GABRG3: variants seen among roughly 807,000 people sequenced by gnomAD.
GABRG3 encodes gamma-aminobutyric acid type A receptor subunit gamma3.
A neutral mutation model predicts 48.8 loss-of-function variants in GABRG3; 25 were observed. The observed-to-expected ratio is 0.51, with a 90% CI of 0.37 to 0.72. The LOEUF is 0.72. Ranked by LOEUF, GABRG3 falls within the 30% of genes least tolerant of loss-of-function variation. GABRG3 has a pLI of 0.00. For missense variants in GABRG3, 394 were observed against 577.9 expected (o/e 0.68, Z 3.26); for synonymous variants, 227 against 217.6 (o/e 1.04, Z -0.38).
At chr15:27,419,420 A>C (rs1216804347) in intron 5 of GABRG3, among the ~76,000 whole-genome samples, 1 of 151,966 alleles carries the variant, frequency 6.6e-6, no homozygotes, top group Non-Finnish European at 1.5e-5. Flanking sequence ...TTTTGTGTTA[A>C]ACTGATGAGC....
chr15:27,397,754 C>A (rs536050383), intron 5 of GABRG3, among the ~76,000 whole-genome samples: 1 of 151,848 alleles, frequency 6.6e-6, no homozygotes, highest in Non-Finnish European at 1.5e-5. Flanking sequence ...TTTATGGTAT[C>A]ACACTTAATC....
intron 3 of GABRG3, among the ~76,000 whole-genome samples, chr15:27,055,275 G>T (rs1896526361): frequency 6.6e-6 from 1 of 152,186 alleles, no homozygotes. Flanking sequence ...AACATCTTAA[G>T]AAGGATGGAA....
chr15:27,279,136 G>A (rs1192769500), intron 3 of GABRG3, among the ~76,000 whole-genome samples: 1 of 151,962 alleles, frequency 6.6e-6, no homozygotes, highest in Non-Finnish European at 1.5e-5. Context: ...AATTGTTTTT[G>A]TATAGTTGGG....
chr15:26,975,906 G>A lies in GABRG3; in HGVS notation c.54-1096G>A, dbSNP rs1894933257. The stretch of plus-strand genomic sequence containing the variant: ...AGCATCCACACTGACAAACTAGAAA[G>A]GAAAAGTTTGGTTTGTTTCACATGC... On this transcript the variant is annotated intron_variant, in intron 1 of 9. Coordinates refer to ENST00000615808, the MANE Select transcript of GABRG3 (RefSeq NM_033223.5). This position sits in a 1 kb window ranked among gnomAD's most constrained non-coding sequence, Gnocchi z 4.6. 6.6e-6 allele frequency among the ~76,000 whole-genome samples: 1 copy of A among 152,276 alleles called. No homozygotes were observed. Among genetic ancestry groups the A allele is most frequent in the East Asian group, 1.9e-4 (1 of 5,170 alleles).
intron 5 of GABRG3, among the ~76,000 whole-genome samples, chr15:27,474,828 T>C (rs1889886961): frequency 6.6e-6 from 1 of 152,000 alleles, no homozygotes; most frequent in East Asian, 1.9e-4. Flanking sequence ...TTGAGAAAAG[T>C]GGATTTATAA....
intron 5 of GABRG3, among the ~76,000 whole-genome samples, chr15:27,479,491 C>T (rs542344358): frequency 1.3e-5 from 2 of 152,328 alleles, no homozygotes; most frequent in East Asian, 3.9e-4. Context: ...GCCAAGCCAG[C>T]AATGTCAGGC....
In GABRG3 at chr15:27,243,022, G is replaced by A. The variant is rs566102021; in HGVS notation, c.271-83787G>A. On this transcript the variant is annotated intron_variant, in intron 3 of 9. Transcript: ENST00000615808. Reference sequence around the variant, plus strand: ...AGACAGTGCAGCTGCATAAATCCAAGGTGGGGTGTATGGTCAGAGTCACCA... The same window carrying A: ...AGACAGTGCAGCTGCATAAATCCAAAGTGGGGTGTATGGTCAGAGTCACCA... Among the ~76,000 whole-genome samples, 9 of 152,292 alleles carry A rather than the reference G, an allele frequency of 5.9e-5. No individual in the cohort carries two copies. The South Asian group carries it at 1.9e-3, about 32-fold the overall frequency.
chr15:27,171,089 G>A (rs1399223638), intron 3 of GABRG3, among the ~76,000 whole-genome samples: 1 of 152,172 alleles, frequency 6.6e-6, no homozygotes, highest in Admixed American at 6.5e-5. Flanking sequence ...CAGAGGAGAG[G>A]ACCAGTGTCT....
intron 3 of GABRG3, among the ~76,000 whole-genome samples, chr15:27,091,351 C>T (rs1897181792): frequency 6.6e-6 from 1 of 152,174 alleles, no homozygotes; most frequent in Non-Finnish European, 1.5e-5. Flanking sequence ...TGTATAATCC[C>T]TTACATGCTA....
At chr15:27,205,170 C>T (rs997476832) in intron 3 of GABRG3, among the ~76,000 whole-genome samples, 8 of 151,828 alleles carry the variant, frequency 5.3e-5, no homozygotes, top group Admixed American at 3.9e-4. Context: ...TTTACCCATT[C>T]GATGTGATTT....
intron 2 of GABRG3, among the ~76,000 whole-genome samples, chr15:27,017,659 C>T (rs573338105): frequency 4.6e-5 from 7 of 152,238 alleles, no homozygotes; most frequent in South Asian, 2.1e-4. Flanking sequence ...TGGTACTTGG[C>T]GGGAGGCACT....
rs116347018 is a variant in GABRG3 at position 27,360,161 on chromosome 15, C to T, written c.574+31273C>T. Among the ~76,000 whole-genome samples, 1,183 of 152,244 alleles carry T rather than the reference C, an allele frequency of 7.8e-3. 14 individuals are homozygous for T. The highest frequency in any genetic ancestry group is 0.027 in the African/African-American group (1,124 of 41,556). On this transcript the variant is annotated intron_variant, in intron 5 of 9. Coordinates refer to ENST00000615808, the MANE Select transcript of GABRG3 (RefSeq NM_033223.5). ...GGGAGGCAGTGACATCCAGGCCCTGCGGAGGACAGGGAAGCTTCTCCAAGG... is the reference window on the plus strand; with the variant it reads ...GGGAGGCAGTGACATCCAGGCCCTGTGGAGGACAGGGAAGCTTCTCCAAGG...
At chr15:27,484,483 T>C (rs1042920587) in intron 6 of GABRG3, among the ~76,000 whole-genome samples, 3 of 152,192 alleles carry the variant, frequency 2.0e-5, no homozygotes, top group African/African-American at 7.2e-5. Context: ...TATATGGATA[T>C]GCATACATGT....
chr15:27,211,809 G>A (rs983954502), intron 3 of GABRG3, among the ~76,000 whole-genome samples: 1 of 152,144 alleles, frequency 6.6e-6, no homozygotes, highest in African/African-American at 2.4e-5. Flanking sequence ...GAGCTTGCAT[G>A]AATTACTGTC....
rs1365557560 is a variant in GABRG3, at chr15:27,044,353, G to GGCAA, written c.270+17533_270+17534insCAAG. Among the ~76,000 whole-genome samples the GGCAA allele has an allele frequency of 4.6e-5, 7 of 152,002 alleles. No individual in the cohort carries two copies. The South Asian group carries it at 8.3e-4, about 18-fold the overall frequency. On this transcript the variant is annotated intron_variant, in intron 3 of 9. Transcript: ENST00000615808. Reference sequence around the variant, plus strand: ...TGATTTCTGTTCTTGCCCTAAACACGGTTTTGATATTTTTAGGCAAATCGA... The same window carrying GGCAA: ...TGATTTCTGTTCTTGCCCTAAACACGGCAAGTTTTGATATTTTTAGGCAAATCGA...
chr15:27,505,619 C>T (rs1890742410), intron 6 of GABRG3, among the ~76,000 whole-genome samples: 1 of 152,020 alleles, frequency 6.6e-6, no homozygotes, highest in Admixed American at 6.6e-5. Flanking sequence ...TGAATGTCAC[C>T]AGCCTTGTAT....
At chr15:27,018,141 G>C (rs986151233) in intron 2 of GABRG3, among the ~76,000 whole-genome samples, 1 of 152,208 alleles carries the variant, frequency 6.6e-6, no homozygotes, top group Non-Finnish European at 1.5e-5. Context: ...CAAATATTCA[G>C]TTTATAGATG....
intron 3 of GABRG3, among the ~76,000 whole-genome samples, chr15:27,070,267 A>T (rs942604931): frequency 6.6e-6 from 1 of 152,216 alleles, no homozygotes; most frequent in Non-Finnish European, 1.5e-5. Flanking sequence ...AAATAAGGAT[A>T]TTGCTTCCCA....
chr15:27,420,413 G>A (rs1184363523), intron 5 of GABRG3, among the ~76,000 whole-genome samples: 1 of 152,198 alleles, frequency 6.6e-6, no homozygotes, highest in Non-Finnish European at 1.5e-5. Flanking sequence ...ATGGGGAGAT[G>A]TTTGTTGAAG....
Sources: allele counts gnomAD v4.1 joint callset (sites outside exome capture counted in the v4.1 genomes callset), GRCh38; gene constraint gnomAD v4.1.1; non-coding constraint Gnocchi (gnomAD v3.1); transcripts MANE v1.5; gene names NCBI Gene and HGNC (gene_info 2026-07-23, HGNC 2026-07-21).